The following KCNB2 variants were observed in gnomAD, a reference collection of about 807,000 sequenced individuals.
KCNB2 encodes delayed rectifier potassium channel protein.
A neutral mutation model predicts 61.5 loss-of-function variants in KCNB2; 15 were observed. The observed-to-expected ratio is 0.24, with a 90% CI of 0.16 to 0.38. The LOEUF (loss-of-function observed/expected upper bound fraction) is 0.38, where lower values mean the gene tolerates loss of function less well. KCNB2 is among the 10% of genes least tolerant of loss of function. The pLI, the probability that KCNB2 is intolerant of heterozygous loss-of-function variation, is 1.00. For missense variants in KCNB2, 828 were observed against 1,125.2 expected (o/e 0.74, Z 3.78); for synonymous variants, 457 against 446.0 (o/e 1.02, Z -0.31).
chr8:72,806,614 C>CAA (rs981542475), intron 2 of KCNB2, among the ~76,000 whole-genome samples: 1 of 129,770 alleles, frequency 7.7e-6, no homozygotes, highest in South Asian at 2.4e-4. Context: ...GAATCAGTCT[C>CAA]AAAAAAAAAA....
intron 2 of KCNB2, among the ~76,000 whole-genome samples, chr8:72,753,420 C>A (rs148252037): frequency 1.3e-5 from 2 of 152,088 alleles, no homozygotes; most frequent in Non-Finnish European, 2.9e-5. Context: ...ATCAGGCAAG[C>A]GCAGTGTCTG....
chr8:72,695,988 G>A (rs1447834623), intron 2 of KCNB2, among the ~76,000 whole-genome samples: 3 of 152,112 alleles, frequency 2.0e-5, no homozygotes, highest in Admixed American at 6.6e-5. Flanking sequence ...CAGGGTCCTC[G>A]GCTGTAGCCC....
At chr8:72,692,646 G>A (rs1261918849) in intron 2 of KCNB2, among the ~76,000 whole-genome samples, 3 of 151,898 alleles carry the variant, frequency 2.0e-5, no homozygotes, top group Admixed American at 6.6e-5. Flanking sequence ...TCCATCTCAC[G>A]TACATAATTT....
chr8:72,873,513 G>A (rs145240295), intron 2 of KCNB2, among the ~76,000 whole-genome samples: 1 of 152,312 alleles, frequency 6.6e-6, no homozygotes, highest in East Asian at 1.9e-4. Flanking sequence ...GTGGGATTTG[G>A]TGATGTACAT....
At chr8:72,606,027 A>G (rs1805441998) in intron 2 of KCNB2, among the ~76,000 whole-genome samples, 1 of 152,338 alleles carries the variant, frequency 6.6e-6, no homozygotes, top group East Asian at 1.9e-4. Context: ...ACTGGCAAAG[A>G]TTGCAAAGAT....
chr8:72,553,949 A>G (rs1378719985), intron 1 of KCNB2, among the ~76,000 whole-genome samples: 4 of 152,146 alleles, frequency 2.6e-5, no homozygotes, highest in Non-Finnish European at 2.9e-5. Flanking sequence ...AAAATTACAA[A>G]TGGGGGCTAA....
At chr8:72,679,488 A>T (rs1468637810) in intron 2 of KCNB2, among the ~76,000 whole-genome samples, 1 of 152,224 alleles carries the variant, frequency 6.6e-6, no homozygotes, top group Non-Finnish European at 1.5e-5. Context: ...CAAATATCAG[A>T]GGAGAGCAAC....
chr8:72,928,881 T>C (rs143687131), intron 2 of KCNB2, among the ~76,000 whole-genome samples: 1,609 of 152,104 alleles, frequency 0.011, 20 homozygotes, highest in Non-Finnish European at 0.013. Context: ...GTGAATGTGT[T>C]TGAAAGTGTT....
chr8:72,754,044 A>G (rs1808245526), intron 2 of KCNB2, among the ~76,000 whole-genome samples: 1 of 152,286 alleles, frequency 6.6e-6, no homozygotes, highest in South Asian at 2.1e-4. Flanking sequence ...GTACAAAGAC[A>G]GATTGGCTCC....
At chr8:72,761,192 G>C (rs1051913418) in intron 2 of KCNB2, among the ~76,000 whole-genome samples, 2 of 152,128 alleles carry the variant, frequency 1.3e-5, no homozygotes, top group Admixed American at 1.3e-4. Flanking sequence ...GGTGTACTCG[G>C]AGGAGATGCT....
chr8:72,723,054 T>C (rs1807577401), intron 2 of KCNB2, among the ~76,000 whole-genome samples: 5 of 152,246 alleles, frequency 3.3e-5, no homozygotes, highest in Non-Finnish European at 7.3e-5. Context: ...CAGTGCATAT[T>C]CTTGCGAGAA....
chr8:72,770,360 A>C (rs1808538662), intron 2 of KCNB2, among the ~76,000 whole-genome samples: 1 of 152,198 alleles, frequency 6.6e-6, no homozygotes, highest in Non-Finnish European at 1.5e-5. Flanking sequence ...GTGTGTGCTT[A>C]ATTGAGAAGA....
intron 2 of KCNB2, among the ~76,000 whole-genome samples, chr8:72,651,645 T>C (rs1206403694): frequency 6.6e-6 from 1 of 152,070 alleles, no homozygotes. Context: ...TAGATAATCA[T>C]AGTCAATTCC....
In KCNB2 at chr8:72,644,882, A is replaced by G. The variant is rs115448950; in HGVS notation, c.579+76569A>G. On this transcript the variant is annotated intron_variant, in intron 2 of 2. Transcript: ENST00000523207. Reference sequence around the variant, plus strand: ...TTGACCAAACGAAATGAAAGTGAGGACTCAAGTCTAGGTCGGTTGACTCCA... The same window carrying G: ...TTGACCAAACGAAATGAAAGTGAGGGCTCAAGTCTAGGTCGGTTGACTCCA... Among the ~76,000 whole-genome samples the G allele has an allele frequency of 5.2e-3, 794 of 152,176 alleles. 10 individuals carry two copies. Among genetic ancestry groups the G allele is most frequent in the African/African-American group, 0.018 (747 of 41,514 alleles).
At chr8:72,799,944 A>G (rs1585900390) in intron 2 of KCNB2, among the ~76,000 whole-genome samples, 1 of 152,238 alleles carries the variant, frequency 6.6e-6, no homozygotes, top group African/African-American at 2.4e-5. Context: ...GCTGCGGTCC[A>G]TTTCCCTGGT....
intron 1 of KCNB2, among the ~76,000 whole-genome samples, chr8:72,545,209 T>C (rs1276200867): frequency 6.6e-6 from 1 of 152,186 alleles, no homozygotes; most frequent in Non-Finnish European, 1.5e-5. Flanking sequence ...ATATGGCCCC[T>C]CATTGTCTAG....
intron 2 of KCNB2, among the ~76,000 whole-genome samples, chr8:72,589,295 TGTC>T (rs1807049108): frequency 6.6e-6 from 1 of 152,188 alleles, no homozygotes; most frequent in Non-Finnish European, 1.5e-5. Context: ...TTGGACTATG[TGTC>T]GTCTATTGTC....
intron 2 of KCNB2, among the ~76,000 whole-genome samples, chr8:72,920,771 G>A (rs2129008189): frequency 6.6e-6 from 1 of 152,088 alleles, no homozygotes; most frequent in Non-Finnish European, 1.5e-5. Flanking sequence ...TAATGAAAAT[G>A]TATCAACCCC....
At chr8:72,617,430 C>T (rs1805636825) in intron 2 of KCNB2, among the ~76,000 whole-genome samples, 1 of 152,134 alleles carries the variant, frequency 6.6e-6, no homozygotes. Context: ...GCACCCAAAT[C>T]AGATGTTCTG....
Sources: allele counts gnomAD v4.1 joint callset (sites outside exome capture counted in the v4.1 genomes callset), GRCh38; gene constraint gnomAD v4.1.1; transcripts MANE v1.5; gene names NCBI Gene and HGNC (gene_info 2026-07-23, HGNC 2026-07-21).